Variants in MYO1E observed in about 807,000 individuals in gnomAD.
MYO1E encodes the protein myosin IE, also known as unconventional myosin-Ie.
MYO1E carries 68 observed loss-of-function variants against 151.1 expected under a neutral mutation model. The observed-to-expected ratio is 0.45, with a 90% CI of 0.37 to 0.55. MYO1E has a LOEUF of 0.55. Ranked by LOEUF, MYO1E falls within the 20% of genes least tolerant of loss-of-function variation. The pLI is 0.00. For synonymous variants in MYO1E, 601 were observed against 501.7 expected (o/e 1.20, Z -2.64); for missense variants, 1,363 against 1,389.3 (o/e 0.98, Z 0.30).
chr15:59,224,975 G>GC (rs1185755712), intron 7 of MYO1E, 152 bp from the exon 8 acceptor site: 1 of 1,010,142 alleles, frequency 9.9e-7, no homozygotes, highest in Non-Finnish European at 1.5e-6. Context: ...ACTTGTAGTA[G>GC]CCCCAGGTCA....
chr15:59,146,082 T>G (rs1297598141), intron 26 of MYO1E, among the ~76,000 whole-genome samples: 1 of 152,182 alleles, frequency 6.6e-6, no homozygotes, highest in Non-Finnish European at 1.5e-5. Flanking sequence ...TACAATGATA[T>G]GATCATACCT....
chr15:59,207,032 G>C lies in MYO1E; in HGVS notation c.1531-1547C>G, dbSNP rs555090169. 3.1e-6 allele frequency: 5 copies of C among 1,614,128 alleles called. No homozygotes were observed. The African/African-American group carries it at 6.7e-5, about 22-fold the overall frequency. The stretch of plus-strand genomic sequence containing the variant: ...TGCCTGGGGATGGCCCTGTGTCCGC[G>C]TCAAGCAACGCGCATCCCGCTCAAC... On this transcript the variant is annotated intron_variant, in intron 14 of 27. Transcript: ENST00000288235.
At chr15:59,200,990 G>T (rs1382785421) in intron 16 of MYO1E, among the ~76,000 whole-genome samples, 1 of 152,124 alleles carries the variant, frequency 6.6e-6, no homozygotes, top group Non-Finnish European at 1.5e-5. Flanking sequence ...TAAAACTGAG[G>T]AAGTATTCAG....
At chr15:59,279,029 G>A (rs2080337914) in intron 1 of MYO1E, among the ~76,000 whole-genome samples, 1 of 152,086 alleles carries the variant, frequency 6.6e-6, no homozygotes, top group South Asian at 2.1e-4. Flanking sequence ...TGGAGTATGT[G>A]CTTATTCATA....
chr15:59,215,865 G>A (rs1054294159), intron 10 of MYO1E, among the ~76,000 whole-genome samples: 3 of 152,132 alleles, frequency 2.0e-5, no homozygotes, highest in South Asian at 2.1e-4. Flanking sequence ...ATGGATTCTA[G>A]TCCCAGGCTG....
At chr15:59,223,946 G>C (rs1596373569) in intron 8 of MYO1E, among the ~76,000 whole-genome samples, 1 of 152,138 alleles carries the variant, frequency 6.6e-6, no homozygotes, top group Non-Finnish European at 1.5e-5. Flanking sequence ...CAGTCTGTTT[G>C]AACTTTCTGT....
At chr15:59,171,828 G>C (rs1347903246) in intron 22 of MYO1E, 69 bp downstream of exon 22, 22 of 1,605,992 alleles carry the variant, frequency 1.4e-5, no homozygotes, top group Middle Eastern at 1.7e-4. Context: ...CCTCCTGGCT[G>C]TTTGGAACAG....
At position 59,366,289 on chromosome 15, in the gene MYO1E, C is replaced by G. The variant is rs543338329; in HGVS notation, c.3+6209G>C. 2.8e-4 allele frequency among the ~76,000 whole-genome samples: 16 copies of G among 56,328 alleles called. 1 individual carries two copies. Among genetic ancestry groups the G allele is most frequent in the African/African-American group, 5.2e-4 (15 of 29,046 alleles). The allele number at this position is 56,328 out of a possible 152,430, so 37.0% of individuals were successfully genotyped here. ...CCACAGGGCCCAGCCCTGTCTCTTT[C>G]TTTTTTTTCTCTCTCTCTCTTTCTC... On this transcript the variant is annotated intron_variant, in intron 1 of 27. Transcript: ENST00000288235.
At position 59,273,326 on chromosome 15, in the gene MYO1E, T is replaced by C. The variant is rs1021206312; in HGVS notation, c.4-877A>G. On this transcript the variant is annotated intron_variant, in intron 1 of 27. Coordinates refer to ENST00000288235, the MANE Select transcript of MYO1E (RefSeq NM_004998.4). The stretch of plus-strand genomic sequence containing the variant: ...ATGTGTTCAGCTACGTGACAAGTTC[T>C]TATGGCACACTTGGGGAGCTTAAAG... Among the ~76,000 whole-genome samples the C allele has an allele frequency of 5.3e-5, 8 of 152,244 alleles. No homozygotes were observed. The East Asian group carries it at 1.5e-3, about 29-fold the overall frequency.
At chr15:59,305,150 C>T (rs1490628940) in intron 1 of MYO1E, among the ~76,000 whole-genome samples, 2 of 152,250 alleles carry the variant, frequency 1.3e-5, no homozygotes, top group East Asian at 3.8e-4. Context: ...AAGCAGCCTT[C>T]ATATCTAGCA....
intron 4 of MYO1E, among the ~76,000 whole-genome samples, chr15:59,253,283 G>T (rs150081300): frequency 2.2e-4 from 34 of 152,206 alleles, no homozygotes; most frequent in Non-Finnish European, 2.1e-4. Context: ...CCAAGCAAAA[G>T]AACTAATAAC....
At chr15:59,269,122 A>G (rs2080274887) in intron 2 of MYO1E, among the ~76,000 whole-genome samples, 1 of 152,194 alleles carries the variant, frequency 6.6e-6, no homozygotes. Context: ...AATTTCCAAT[A>G]AACAAGTTTA....
chr15:59,319,628 G>A (rs1372205414), intron 1 of MYO1E, among the ~76,000 whole-genome samples: 4 of 138,846 alleles, frequency 2.9e-5, no homozygotes, highest in Non-Finnish European at 6.1e-5. Context: ...AGACAGCCAG[G>A]CACGGGGGTT....
At chr15:59,341,558 T>C (rs369921069) in intron 1 of MYO1E, 2 of 152,238 alleles carry the variant, frequency 1.3e-5, no homozygotes, top group East Asian at 3.8e-4. Context: ...TCAATACTTT[T>C]AATTTTTAGC....
chr15:59,283,222 C>CT (rs1196272466), intron 1 of MYO1E, among the ~76,000 whole-genome samples: 1 of 151,904 alleles, frequency 6.6e-6, no homozygotes, highest in African/African-American at 2.4e-5. Context: ...CTAACCCCTG[C>CT]TTTCTCCGTT....
At position 59,163,291 on chromosome 15, in the gene MYO1E, A is replaced by T. The variant is rs1033120143; in HGVS notation, c.2493T>A (p.Asp831Glu). The change falls in exon 23 of 28, where the codon GAT (aspartate) becomes GAA (glutamate). Residue 831 changes from aspartate (D) to glutamate (E), a missense_variant. Coordinates refer to ENST00000288235, the MANE Select transcript of MYO1E (RefSeq NM_004998.4). ...CTTGCTCATGGAGAATAAAAATGTC[A>T]TCCTGCATAGTACTGTAAAGAGATT... Reference protein sequence around the residue: ...ILSVSLSTMQDDIFILHEQEY... With the variant: ...ILSVSLSTMQEDIFILHEQEY... The T allele has an allele frequency of 6.2e-7, 1 of 1,613,492 alleles. No individual in the cohort carries two copies. Among genetic ancestry groups the T allele is most frequent in the African/African-American group, 1.3e-5 (1 of 75,042 alleles).
intron 2 of MYO1E, among the ~76,000 whole-genome samples, chr15:59,268,718 G>GTCTTTTTTTTTTTTTTTTTTT (rs1452818863): frequency 8.3e-5 from 1 of 12,044 alleles, no homozygotes; most frequent in East Asian, 2.0e-3. Flanking sequence ...GGTGACTTTG[G>GTCTTTTTTTTTTTTTTTTTTT]TATTTTTTTT....
chr15:59,145,110 T>A (rs1461261145), intron 26 of MYO1E, among the ~76,000 whole-genome samples: 1 of 152,202 alleles, frequency 6.6e-6, no homozygotes, highest in Non-Finnish European at 1.5e-5. Flanking sequence ...CCCAAAGTGC[T>A]GGGATTACAG....
At chr15:59,227,106 C>G (rs1220547797) in intron 7 of MYO1E, among the ~76,000 whole-genome samples, 3 of 152,240 alleles carry the variant, frequency 2.0e-5, no homozygotes, top group Non-Finnish European at 4.4e-5. Context: ...CCTCATCAAT[C>G]CCCTCCACTT....
Sources: gnomAD v4.1 joint callset for allele counts (sites outside exome capture counted in the v4.1 genomes callset) on GRCh38, gnomAD v4.1.1 for gene constraint, MANE v1.5 for transcripts, NCBI Gene and HGNC (gene_info 2026-07-23, HGNC 2026-07-21) for gene names.